UGT2B4: variants seen among roughly 807,000 people sequenced by gnomAD.
UGT2B4 encodes the protein UDP glucuronosyltransferase family 2 member B4, also known as UDP-glucuronosyltransferase 2B4.
UGT2B4 carries 49 observed loss-of-function variants against 49.8 expected under a neutral mutation model. The ratio of observed to expected loss-of-function variants is 0.98; its 90% CI spans 0.78 to 1.25. The LOEUF (loss-of-function observed/expected upper bound fraction) is 1.25, where lower values mean the gene tolerates loss of function less well. UGT2B4 is among the 50% of genes most tolerant of loss of function. The pLI, the probability that UGT2B4 is intolerant of heterozygous loss-of-function variation, is 0.00. For missense variants in UGT2B4, 729 were observed against 627.7 expected (o/e 1.16, Z -1.73); for synonymous variants, 246 against 217.7 (o/e 1.13, Z -1.14).
upstream of UGT2B4, among the ~76,000 whole-genome samples, chr4:69,499,716 A>G (rs1161848312): frequency 6.6e-6 from 1 of 152,132 alleles, no homozygotes; most frequent in African/African-American, 2.4e-5. Context: ...TTTGCTTGGT[A>G]AATTTTCTTC....
At chr4:69,493,019 T>C (rs543830995) in intron 2 of UGT2B4, among the ~76,000 whole-genome samples, 2 of 152,294 alleles carry the variant, frequency 1.3e-5, no homozygotes, top group Non-Finnish European at 2.9e-5. Flanking sequence ...ATATTTCAAC[T>C]CCTGAGGAGT....
intron 3 of UGT2B4, among the ~76,000 whole-genome samples, chr4:69,487,360 T>C (rs190073863): frequency 2.0e-5 from 3 of 152,278 alleles, no homozygotes; most frequent in African/African-American, 4.8e-5. Context: ...CCATCAATGA[T>C]GGATTCAATA....
At chr4:69,500,589 G>A (rs1272391521), upstream of UGT2B4, among the ~76,000 whole-genome samples, 2 of 116,154 alleles carry the variant, frequency 1.7e-5, no homozygotes, top group Admixed American at 2.0e-4. Context: ...AAGCAAGAAA[G>A]CAAGCAAGAA....
At chr4:69,509,342 T>A (rs2082337) in intron 1 of UGT2B4, among the ~76,000 whole-genome samples, 29,192 of 151,902 alleles carry the variant, frequency 0.19, 2,956 homozygotes, top group Non-Finnish European at 0.22. Context: ...CTGTCTAATT[T>A]TTGTATTTTT....
chr4:69,501,658 G>C (rs1157111276), intron 1 of UGT2B4, among the ~76,000 whole-genome samples: 1 of 152,066 alleles, frequency 6.6e-6, no homozygotes, highest in African/African-American at 2.4e-5. Context: ...ACCGCCACTG[G>C]TGTTCCTTAG....
At chr4:69,495,995 T>A (rs1447999002), upstream of UGT2B4, 12 of 1,368,774 alleles carry the variant, frequency 8.8e-6, no homozygotes, top group Non-Finnish European at 1.2e-5. Context: ...ATATTAACAG[T>A]CTGAGCATGT....
At chr4:69,480,932 A>T (rs189560553) in intron 5 of UGT2B4, 22 bp from the exon 6 acceptor site, 9 of 1,608,314 alleles carry the variant, frequency 5.6e-6, no homozygotes, top group African/African-American at 1.3e-5. Context: ...GCAGAAAAGT[A>T]TCAACATTGA....
intron 1 of UGT2B4, among the ~76,000 whole-genome samples, chr4:69,522,145 T>C (rs933753982): frequency 3.9e-5 from 6 of 152,174 alleles, no homozygotes; most frequent in Non-Finnish European, 7.3e-5. Context: ...TTCTAGAATA[T>C]GAAAATTAAA....
At chr4:69,498,739 T>C (rs1185471097), upstream of UGT2B4, among the ~76,000 whole-genome samples, 1 of 152,128 alleles carries the variant, frequency 6.6e-6, no homozygotes, top group African/African-American at 2.4e-5. Flanking sequence ...TTTTATTGTG[T>C]CTATTTGATT....
intron 1 of UGT2B4, among the ~76,000 whole-genome samples, chr4:69,514,400 T>C (rs945221246): frequency 6.6e-6 from 1 of 152,216 alleles, no homozygotes; most frequent in Non-Finnish European, 1.5e-5. Flanking sequence ...TACCGGATTA[T>C]GTCATGTGCA....
At chr4:69,519,250 ATT>A (rs1728794825) in intron 1 of UGT2B4, among the ~76,000 whole-genome samples, 1 of 152,236 alleles carries the variant, frequency 6.6e-6, no homozygotes, top group South Asian at 2.1e-4. Context: ...ACAGCCATGA[ATT>A]GGCATATAAA....
intron 2 of UGT2B4, among the ~76,000 whole-genome samples, chr4:69,492,732 G>A (rs1330878802): frequency 6.6e-6 from 1 of 151,940 alleles, no homozygotes; most frequent in Non-Finnish European, 1.5e-5. Flanking sequence ...ATTTTAAGTG[G>A]TTTATTTGTA....
At chr4:69,510,102 A>T (rs1728570312) in intron 1 of UGT2B4, among the ~76,000 whole-genome samples, 1 of 152,164 alleles carries the variant, frequency 6.6e-6, no homozygotes, top group African/African-American at 2.4e-5. Context: ...CATTTATTTA[A>T]GAGACTGACA....
chr4:69,489,447 G>A lies in UGT2B4; in HGVS notation c.994C>T (p.Pro332Ser), dbSNP rs372616471. ...NVIASALAKI[P>S]QKVLWRFDGN... ...AAAACATTTTATCTTACCTTTTGTG[G>A]GATCTTGGCAAGGGCTGATGCAATT... The change falls in exon 3 of 6, where the codon CCA becomes TCA. Residue 332 changes from proline (P) to serine (S), a missense_variant. Coordinates refer to ENST00000305107, the MANE Select transcript of UGT2B4 (RefSeq NM_021139.3). 1.7e-5 allele frequency: 28 copies of A among 1,610,448 alleles called. No homozygotes were observed. Among genetic ancestry groups the A allele is most frequent in the Non-Finnish European group, 2.3e-5 (27 of 1,177,932 alleles).
chr4:69,513,648 T>C (rs1041807512), intron 1 of UGT2B4, among the ~76,000 whole-genome samples: 3 of 152,198 alleles, frequency 2.0e-5, no homozygotes, highest in Admixed American at 6.5e-5. Flanking sequence ...TAGCATTGAA[T>C]CTCTAAATTA....
Position 69,493,806 on chromosome 4 carries a change from C to A in UGT2B4, c.757G>T (p.Ala253Ser). The A allele has an allele frequency of 6.2e-7, 1 of 1,605,678 alleles. No homozygotes were observed. The highest frequency in any genetic ancestry group is 8.5e-7 in the Non-Finnish European group (1 of 1,176,616). The change falls in exon 2 of 6, where the codon GCT becomes TCT. Residue 253 changes from alanine (A) to serine (S), a missense_variant. By Grantham distance (99) the Ala-to-Ser change is moderately conservative. Coordinates refer to ENST00000305107, the MANE Select transcript of UGT2B4 (RefSeq NM_021139.3). Reference protein sequence around the residue: ...PTTLSETMAKADIWLIRNYWD... With the variant: ...PTTLSETMAKSDIWLIRNYWD... ...TAGTTTCGAATAAGCCATATGTCAG[C>A]TTTTGCCATTGTCTCAGATAACGTA...
In UGT2B4 at chr4:69,495,483, A is replaced by T. The variant is rs1482221239; in HGVS notation, c.379T>A (p.Cys127Ser). ...TTCTTATTTGAAACTATATCCTTACAGAACTTTCTAAGTATGTCATTAAAT... is the reference window on the plus strand; with the variant it reads ...TTCTTATTTGAAACTATATCCTTACTGAACTTTCTAAGTATGTCATTAAAT... ...WTFNDILRKF[C>S]KDIVSNKKLM... The change falls in exon 1 of 6, where the codon TGT (cysteine) becomes AGT (serine). Residue 127 changes from cysteine to serine, a missense_variant. By Grantham distance (112) the Cys-to-Ser change is moderately radical (BLOSUM62 -1). Transcript: ENST00000305107. 4 of 1,612,344 alleles carry T rather than the reference A, an allele frequency of 2.5e-6. No homozygotes were observed. Among genetic ancestry groups the T allele is most frequent in the Non-Finnish European group, 3.4e-6 (4 of 1,179,052 alleles).
chr4:69,483,758 C>T (rs903335547), intron 5 of UGT2B4, among the ~76,000 whole-genome samples: 8 of 152,028 alleles, frequency 5.3e-5, no homozygotes, highest in South Asian at 4.2e-4. Flanking sequence ...AGGCATTTTG[C>T]GCATTGCTTT....
At chr4:69,494,920 C>T (rs372581446) in intron 1 of UGT2B4, among the ~76,000 whole-genome samples, 2 of 152,138 alleles carry the variant, frequency 1.3e-5, no homozygotes, top group African/African-American at 4.8e-5. Flanking sequence ...CTTATGACTT[C>T]CTGGAGTCTT....
Sources: gnomAD v4.1 joint callset for allele counts (sites outside exome capture counted in the v4.1 genomes callset) on GRCh38, gnomAD v4.1.1 for gene constraint, MANE v1.5 for transcripts, NCBI Gene and HGNC (gene_info 2026-07-23, HGNC 2026-07-21) for gene names.